The following IQCM variants were observed in gnomAD, a reference collection of about 807,000 sequenced individuals.
The protein encoded by IQCM is IQ domain-containing protein M.
A neutral mutation model predicts 57.6 loss-of-function variants in IQCM; 45 were observed. The ratio of observed to expected loss-of-function variants is 0.78; its 90% confidence interval spans 0.62 to 1.00. The LOEUF is 1.00. IQCM is among the 50% of genes least tolerant of loss of function. The probability of loss-of-function intolerance (pLI) is 0.00; values close to 1 mark genes in which losing one functional copy is unlikely to be tolerated. For synonymous variants in IQCM, 148 were observed against 158.9 expected (o/e 0.93, Z 0.51); for missense variants, 468 against 511.6 (o/e 0.91, Z 0.82).
chr4:149,614,878 T>A (rs1304158146), intron 8 of IQCM, among the ~76,000 whole-genome samples: 1 of 152,194 alleles, frequency 6.6e-6, no homozygotes, highest in African/African-American at 2.4e-5. Flanking sequence ...GCAGAGCTCC[T>A]CCCAGTGACA....
intron 13 of IQCM, among the ~76,000 whole-genome samples, chr4:149,415,751 T>C (rs1350600624): frequency 6.6e-6 from 1 of 152,104 alleles, no homozygotes. Flanking sequence ...CAAGGATAGC[T>C]TTTCATAAAC....
intron 12 of IQCM, among the ~76,000 whole-genome samples, chr4:149,460,082 T>C (rs1177743681): frequency 6.6e-6 from 1 of 152,168 alleles, no homozygotes; most frequent in Non-Finnish European, 1.5e-5. Flanking sequence ...CAACACTCTT[T>C]GTCTCCTGTG....
At chr4:149,800,831 A>G (rs912809760) in intron 2 of IQCM, among the ~76,000 whole-genome samples, 2 of 151,964 alleles carry the variant, frequency 1.3e-5, no homozygotes, top group African/African-American at 4.8e-5. Flanking sequence ...AGAGAATTGA[A>G]AAGGACACCA....
chr4:149,789,775 G>A (rs544668461), intron 2 of IQCM, among the ~76,000 whole-genome samples: 3 of 149,284 alleles, frequency 2.0e-5, no homozygotes, highest in African/African-American at 4.9e-5. Context: ...GGTGTTACAC[G>A]CCTGTGGTCC....
intron 5 of IQCM, among the ~76,000 whole-genome samples, chr4:149,695,485 T>C: frequency 6.6e-6 from 1 of 152,190 alleles, no homozygotes; most frequent in East Asian, 1.9e-4. Flanking sequence ...GCAAGATTTC[T>C]TTGGGTTGAA....
chr4:149,433,749 A>G (rs1341309693), intron 12 of IQCM, among the ~76,000 whole-genome samples, 192 bp from the exon 13 acceptor site: 8 of 152,004 alleles, frequency 5.3e-5, no homozygotes, highest in Non-Finnish European at 8.8e-5. Flanking sequence ...CTAAAGAGTA[A>G]GGGCTTTACT....
At chr4:149,432,548 A>G (rs1319453393) in intron 13 of IQCM, among the ~76,000 whole-genome samples, 3 of 152,032 alleles carry the variant, frequency 2.0e-5, no homozygotes, top group Non-Finnish European at 4.4e-5. Context: ...TAAAATTTAT[A>G]GAAGAAAACC....
chr4:149,545,121 G>A (rs1480905527), intron 12 of IQCM, among the ~76,000 whole-genome samples: 1 of 152,120 alleles, frequency 6.6e-6, no homozygotes, highest in Admixed American at 6.6e-5. Flanking sequence ...AGGATCACTT[G>A]AGACCAGGAG....
At chr4:149,358,850 A>ATCATGATATACTCTCATGAGTATG (rs1729225197) in intron 13 of IQCM, among the ~76,000 whole-genome samples, 1 of 152,106 alleles carries the variant, frequency 6.6e-6, no homozygotes, top group Non-Finnish European at 1.5e-5. Flanking sequence ...TGGACAGTAT[A>ATCATGATATACTCTCATGAGTATG]TCATGATATA....
intron 5 of IQCM, among the ~76,000 whole-genome samples, chr4:149,701,747 A>G (rs988357912): frequency 6.6e-6 from 1 of 152,028 alleles, no homozygotes; most frequent in African/African-American, 2.4e-5. Context: ...GAAAATGGTT[A>G]GAGTCAGATG....
At chr4:149,716,799 C>T (rs1765041937) in intron 5 of IQCM, among the ~76,000 whole-genome samples, 1 of 152,240 alleles carries the variant, frequency 6.6e-6, no homozygotes. Context: ...ATCTTCCTCT[C>T]ACATCCAAGT....
At chr4:149,520,734 T>C (rs1303602269) in intron 12 of IQCM, among the ~76,000 whole-genome samples, 1 of 152,192 alleles carries the variant, frequency 6.6e-6, no homozygotes, top group Non-Finnish European at 1.5e-5. Context: ...AGTTACCATC[T>C]GGATAATGCC....
chr4:149,730,391 G>C (rs1561208859), intron 5 of IQCM, among the ~76,000 whole-genome samples: 1 of 152,174 alleles, frequency 6.6e-6, no homozygotes, highest in East Asian at 1.9e-4. Flanking sequence ...CAGTAAACAT[G>C]CTAAAATGCA....
intron 10 of IQCM, among the ~76,000 whole-genome samples, chr4:149,563,042 G>T (rs1052974222): frequency 2.0e-5 from 3 of 152,088 alleles, no homozygotes; most frequent in Non-Finnish European, 4.4e-5. Context: ...TTCCAAGATG[G>T]ACCCACTTAG....
At chr4:149,734,780 C>T (rs958962878) in intron 4 of IQCM, among the ~76,000 whole-genome samples, 5 of 152,198 alleles carry the variant, frequency 3.3e-5, no homozygotes, top group Admixed American at 6.6e-5. Context: ...GCTGACCCTC[C>T]TCTGTCTCTT....
At position 149,351,969 on chromosome 4, in the gene IQCM, CT is replaced by C; in HGVS notation, c.1487del (p.Lys496SerfsTer37). Reference protein sequence around the residue: ...IRERKMRQHYKSCKVE With the variant: ...IRERKMRQHYXSCKVE ...GGAAACATCATTCAACTTTACATGA[CT>C]TATAATGTTGTCTCATTTTCCTTTC... On this transcript the variant is annotated frameshift_variant, in exon 14 of 14. Transcript: ENST00000636793. LOFTEE classifies it high-confidence loss of function. 5.0e-6 allele frequency: 2 copies of C among 398,942 alleles called. No individual in the cohort carries two copies. Among genetic ancestry groups the C allele is most frequent in the Non-Finnish European group, 8.8e-6 (2 of 226,016 alleles). The allele number at this position is 398,942 out of a possible 1,614,324, so 24.7% of individuals were successfully genotyped here. A position where few individuals can be genotyped will look rare whatever the true frequency, so the allele number is the denominator to read the frequency against.
In IQCM at chr4:149,385,389, T is replaced by C. The variant is rs909188577; in HGVS notation, c.1391-33323A>G. Reference sequence around the variant, plus strand: ...GAATAACAGGGGACAAAGGCAGGAGTAGACAATTGTAATAGGGTAAGTTGA... The same window carrying C: ...GAATAACAGGGGACAAAGGCAGGAGCAGACAATTGTAATAGGGTAAGTTGA... On this transcript the variant is annotated intron_variant, in intron 13 of 13. Transcript: ENST00000636793. Among the ~76,000 whole-genome samples, 3 of 151,426 alleles carry C rather than the reference T, an allele frequency of 2.0e-5. No homozygotes were observed. The South Asian group carries it at 6.2e-4, about 32-fold the overall frequency.
chr4:149,633,609 T>C (rs531071109), intron 7 of IQCM, among the ~76,000 whole-genome samples: 1 of 152,368 alleles, frequency 6.6e-6, no homozygotes, highest in Admixed American at 6.5e-5. Flanking sequence ...ACATAATATG[T>C]ATTACTTGCA....
chr4:149,523,585 A>C (rs1470606503), intron 12 of IQCM, among the ~76,000 whole-genome samples: 1 of 152,280 alleles, frequency 6.6e-6, no homozygotes, highest in East Asian at 1.9e-4. Flanking sequence ...CAGAAGAAAA[A>C]CCGCAAGACA....
Sources: gnomAD v4.1 joint callset for allele counts (sites outside exome capture counted in the v4.1 genomes callset) on GRCh38, gnomAD v4.1.1 for gene constraint, MANE v1.5 for transcripts, NCBI Gene and HGNC (gene_info 2026-07-23, HGNC 2026-07-21) for gene names.